The following CERKL variants were observed in gnomAD, a reference collection of about 807,000 sequenced individuals.
CERKL encodes the protein CERK like autophagy regulator.
CERKL carries 61 observed loss-of-function variants against 63.4 expected under a neutral mutation model. That is an observed-to-expected ratio of 0.96 (90% CI 0.78 to 1.19). The LOEUF is 1.19. Among genes scored for constraint, CERKL ranks in the 50% most tolerant of loss-of-function variants. CERKL has a pLI of 0.00. For missense variants in CERKL, 675 were observed against 655.5 expected (o/e 1.03, Z -0.33); for synonymous variants, 250 against 230.5 (o/e 1.08, Z -0.77).
intron 11 of CERKL, among the ~76,000 whole-genome samples, chr2:181,541,409 T>G (rs1687498177): frequency 6.6e-6 from 1 of 152,214 alleles, no homozygotes; most frequent in South Asian, 2.1e-4. Flanking sequence ...GTATTTGTTA[T>G]GGCAACCTTA....
chr2:181,546,482 A>G (rs923679215), intron 10 of CERKL, among the ~76,000 whole-genome samples: 2 of 152,188 alleles, frequency 1.3e-5, no homozygotes, highest in African/African-American at 2.4e-5. Flanking sequence ...TAAATCACAC[A>G]AGGTTCAAAA....
Position 181,550,958 on chromosome 2 carries a change from G to A in CERKL, c.821-1250C>T, listed in dbSNP as rs906285554. 6.6e-5 allele frequency among the ~76,000 whole-genome samples: 10 copies of A among 152,034 alleles called. No individual in the cohort carries two copies. The highest frequency in any genetic ancestry group is 3.4e-3 in the Middle Eastern group (1 of 294). ...CTGTGACCCTTGTTACTCAAAATACGGCCTACTGTCAAACAGGAATGACAA... is the reference window on the plus strand; with the variant it reads ...CTGTGACCCTTGTTACTCAAAATACAGCCTACTGTCAAACAGGAATGACAA... On this transcript the variant is annotated intron_variant, in intron 5 of 12. Coordinates refer to ENST00000410087, the MANE Select transcript of CERKL (RefSeq NM_201548.5). The surrounding 1 kb of genome is among the most constrained non-coding windows in gnomAD (Gnocchi z 4.5).
intron 1 of CERKL, among the ~76,000 whole-genome samples, chr2:181,654,318 G>A (rs1203228837): frequency 6.6e-6 from 1 of 152,042 alleles, no homozygotes; most frequent in African/African-American, 2.4e-5. Flanking sequence ...CAATTACTAC[G>A]GTTATGCTCA....
intron 2 of CERKL, among the ~76,000 whole-genome samples, chr2:181,583,340 A>G (rs1684619485): frequency 6.6e-6 from 1 of 152,150 alleles, no homozygotes; most frequent in Admixed American, 6.6e-5. Context: ...TTCACATGAA[A>G]CATTACAATA....
intron 1 of CERKL, among the ~76,000 whole-genome samples, chr2:181,637,141 T>C (rs1048575399): frequency 8.5e-5 from 13 of 152,196 alleles, no homozygotes; most frequent in Non-Finnish European, 1.3e-4. Context: ...CAATAAACTC[T>C]TCTGGAGAAA....
chr2:181,633,056 T>A (rs1687032828), intron 1 of CERKL, among the ~76,000 whole-genome samples: 1 of 152,184 alleles, frequency 6.6e-6, no homozygotes, highest in South Asian at 2.1e-4. Context: ...ACACTCAGCA[T>A]AGCCACGCTT....
chr2:181,548,259 G>GA (rs903418610), intron 8 of CERKL: 15 of 512,124 alleles, frequency 2.9e-5, no homozygotes, highest in South Asian at 1.5e-4. Context: ...GAAAGAAAGG[G>GA]AAAAAAACAA....
At chr2:181,578,206 A>G (rs1684337177) in intron 2 of CERKL, among the ~76,000 whole-genome samples, 1 of 151,910 alleles carries the variant, frequency 6.6e-6, no homozygotes, top group Admixed American at 6.6e-5. Context: ...ACGTATATAT[A>G]TACACACATA....
chr2:181,541,989 G>A (rs1687527770), intron 11 of CERKL, among the ~76,000 whole-genome samples: 1 of 152,182 alleles, frequency 6.6e-6, no homozygotes, highest in Non-Finnish European at 1.5e-5. Flanking sequence ...AGAACCCTTG[G>A]GAGTGCATGA....
At chr2:181,605,746 A>G (rs1012319319) in intron 1 of CERKL, among the ~76,000 whole-genome samples, 2 of 152,256 alleles carry the variant, frequency 1.3e-5, no homozygotes, top group Non-Finnish European at 2.9e-5. Context: ...AGCAGAAAAC[A>G]TATGAACCAA....
chr2:181,559,029 T>C (rs887970971), intron 4 of CERKL, among the ~76,000 whole-genome samples: 1 of 152,206 alleles, frequency 6.6e-6, no homozygotes, highest in Non-Finnish European at 1.5e-5. Flanking sequence ...AAGCATATCA[T>C]TCTCATTTCT....
At chr2:181,609,643 T>C (rs1157346270) in intron 1 of CERKL, among the ~76,000 whole-genome samples, 2 of 150,746 alleles carry the variant, frequency 1.3e-5, no homozygotes, top group East Asian at 3.9e-4. Context: ...GAGGCGGAGG[T>C]TGCAGTGAGC....
At position 181,604,048 on chromosome 2, in the gene CERKL, T is replaced by TG. The variant is rs1425738888; in HGVS notation, c.269_270insC (p.Glu90AspfsTer5). 3.1e-6 allele frequency: 5 copies of TG among 1,605,676 alleles called. No homozygotes were observed. The highest frequency in any genetic ancestry group is 3.4e-6 in the Non-Finnish European group (4 of 1,173,162). On this transcript the variant is annotated frameshift_variant, in exon 2 of 13. Transcript: ENST00000410087. LOFTEE classifies it high-confidence loss of function. ...ATATGTCTTTGAGTTCAATAAATTCTTCTTTACATAGCAAGTCATACTTAG... is the reference window on the plus strand; with the variant it reads ...ATATGTCTTTGAGTTCAATAAATTCTGTCTTTACATAGCAAGTCATACTTAG...
chr2:181,594,070 G>A (rs569474801), intron 2 of CERKL, among the ~76,000 whole-genome samples: 69 of 152,164 alleles, frequency 4.5e-4, no homozygotes, highest in Non-Finnish European at 8.4e-4. Context: ...TATAACAGAA[G>A]CAACTAGAAT....
At chr2:181,561,185 T>C (rs1442101895) in intron 4 of CERKL, among the ~76,000 whole-genome samples, 3 of 151,870 alleles carry the variant, frequency 2.0e-5, no homozygotes, top group Non-Finnish European at 4.4e-5. Context: ...AGGCCAAGGG[T>C]GGATCACGAG....
At chr2:181,548,976 G>T (rs910914224) in intron 6 of CERKL, 119 bp from the exon 7 acceptor site, 10 of 838,510 alleles carry the variant, frequency 1.2e-5, no homozygotes, top group Non-Finnish European at 1.9e-5. Flanking sequence ...TGTAGACCAT[G>T]AACATCCTCA....
At chr2:181,622,568 T>C (rs187320827) in intron 1 of CERKL, among the ~76,000 whole-genome samples, 86 of 152,166 alleles carry the variant, frequency 5.7e-4, no homozygotes, top group Middle Eastern at 3.4e-3. Flanking sequence ...CCAAAAGTAC[T>C]CTCCATAATG....
chr2:181,645,964 G>T lies in CERKL; in HGVS notation c.238+10805C>A, dbSNP rs1037863853. On this transcript the variant is annotated intron_variant, in intron 1 of 12. Coordinates refer to ENST00000410087, the MANE Select transcript of CERKL (RefSeq NM_201548.5). The stretch of plus-strand genomic sequence containing the variant: ...GATAAATGCCACTGAGGAATATAAG[G>T]CAATACAGGGAACCAGGAAGTATGT... Among the ~76,000 whole-genome samples the T allele has an allele frequency of 3.3e-4, 51 of 152,268 alleles. 1 individual carries two copies. Among genetic ancestry groups the T allele is most frequent in the African/African-American group, 1.2e-3 (51 of 41,564 alleles).
chr2:181,574,647 G>A lies in CERKL; in HGVS notation c.482-763C>T, dbSNP rs961569011. Among the ~76,000 whole-genome samples, 3 of 152,122 alleles carry A rather than the reference G, an allele frequency of 2.0e-5. No individual in the cohort carries two copies. In the South Asian group the frequency reaches 6.2e-4, roughly 32 times the overall value. ...GCAAATTTTCTGTTGTTAGGAAGGG[G>A]CAGGAGGGACTGAGGAGCAAAAAGA... On this transcript the variant is annotated intron_variant, in intron 2 of 12. Coordinates refer to ENST00000410087, the MANE Select transcript of CERKL (RefSeq NM_201548.5).
Sources: gnomAD v4.1 joint callset for allele counts (sites outside exome capture counted in the v4.1 genomes callset) on GRCh38, gnomAD v4.1.1 for gene constraint, Gnocchi (gnomAD v3.1) non-coding constraint, MANE v1.5 for transcripts, NCBI Gene and HGNC (gene_info 2026-07-23, HGNC 2026-07-21) for gene names.